SYT1: variants seen among roughly 807,000 people sequenced by gnomAD.
SYT1 encodes the protein synaptotagmin 1, also known as synaptotagmin-1.
A neutral mutation model predicts 44.8 loss-of-function variants in SYT1; 8 were observed. The observed-to-expected ratio is 0.18, with a 90% CI of 0.10 to 0.32. SYT1 has a LOEUF of 0.32. SYT1 is among the 10% of genes least tolerant of loss of function. The pLI, the probability that SYT1 is intolerant of heterozygous loss-of-function variation, is 1.00. For synonymous variants in SYT1, 154 were observed against 188.8 expected (o/e 0.82, Z 1.51); for missense variants, 286 against 509.3 (o/e 0.56, Z 4.22).
intron 2 of SYT1, among the ~76,000 whole-genome samples, chr12:79,006,496 A>T (rs1478420553): frequency 1.3e-5 from 2 of 152,132 alleles, no homozygotes; most frequent in Non-Finnish European, 2.9e-5. Context: ...CATGTTACTA[A>T]GAATGATGAT....
At chr12:79,423,698 A>G (rs936668784) in intron 9 of SYT1, among the ~76,000 whole-genome samples, 2 of 152,022 alleles carry the variant, frequency 1.3e-5, no homozygotes, top group African/African-American at 2.4e-5. Context: ...GATCTAAGAA[A>G]CCCATTTATC....
chr12:79,092,433 G>A (rs1429292595), intron 3 of SYT1, among the ~76,000 whole-genome samples: 2 of 151,000 alleles, frequency 1.3e-5, no homozygotes, highest in African/African-American at 4.9e-5. Context: ...ATCAGGTAGG[G>A]AGAAAAAAAA....
At chr12:78,910,812 T>G (rs1342628898) in intron 1 of SYT1, among the ~76,000 whole-genome samples, 1 of 151,904 alleles carries the variant, frequency 6.6e-6, no homozygotes, top group African/African-American at 2.4e-5. Flanking sequence ...AGTGTACATG[T>G]GAGCTGACAC....
chr12:79,282,638 ATTATT>A (rs1184899312), intron 4 of SYT1, among the ~76,000 whole-genome samples: 1 of 151,880 alleles, frequency 6.6e-6, no homozygotes, highest in Admixed American at 6.6e-5. Context: ...GCTTCACTGA[ATTATT>A]TAATTTAATA....
chr12:79,215,803 TTTGA>T (rs1244905807), intron 3 of SYT1, among the ~76,000 whole-genome samples: 3 of 152,178 alleles, frequency 2.0e-5, no homozygotes, highest in Non-Finnish European at 4.4e-5. Flanking sequence ...ATCTCTGGAT[TTTGA>T]TTAAGATTTT....
chr12:79,154,850 C>T (rs912988245), intron 3 of SYT1, among the ~76,000 whole-genome samples: 2 of 152,086 alleles, frequency 1.3e-5, no homozygotes, highest in South Asian at 2.1e-4. Flanking sequence ...GAAAAAAATG[C>T]TGTTTCACTC....
At chr12:79,150,737 A>G (rs184236959) in intron 3 of SYT1, among the ~76,000 whole-genome samples, 37 of 152,324 alleles carry the variant, frequency 2.4e-4, no homozygotes, top group Admixed American at 2.4e-3. Flanking sequence ...TTGGGCATTC[A>G]TAGAATAGTA....
At chr12:78,921,742 T>C (rs995212793) in intron 1 of SYT1, among the ~76,000 whole-genome samples, 7 of 151,962 alleles carry the variant, frequency 4.6e-5, no homozygotes, top group Non-Finnish European at 1.0e-4. Context: ...TATGTTCACA[T>C]GGCGCTGCTG....
At chr12:79,172,053 A>G (rs1871560518) in intron 3 of SYT1, among the ~76,000 whole-genome samples, 1 of 152,006 alleles carries the variant, frequency 6.6e-6, no homozygotes, top group Non-Finnish European at 1.5e-5. Flanking sequence ...ATTTAATGAC[A>G]GAAAAATACT....
intron 2 of SYT1, among the ~76,000 whole-genome samples, chr12:78,979,969 TA>T (rs1381791539): frequency 6.6e-6 from 1 of 152,138 alleles, no homozygotes; most frequent in Non-Finnish European, 1.5e-5. Context: ...GGTTTCCATT[TA>T]AATGAATTAC....
chr12:79,408,766 G>A (rs1291864994), intron 9 of SYT1, among the ~76,000 whole-genome samples: 1 of 144,844 alleles, frequency 6.9e-6, no homozygotes, highest in Non-Finnish European at 1.5e-5. Context: ...GTCAGAAGCT[G>A]TTTGACTATG....
At chr12:79,266,686 G>A (rs1878147202) in intron 4 of SYT1, among the ~76,000 whole-genome samples, 1 of 152,128 alleles carries the variant, frequency 6.6e-6, no homozygotes, top group South Asian at 2.1e-4. Flanking sequence ...CAGTTTAAAA[G>A]CCAGGAAACA....
At chr12:79,161,771 A>G (rs1870963344) in intron 3 of SYT1, among the ~76,000 whole-genome samples, 1 of 152,022 alleles carries the variant, frequency 6.6e-6, no homozygotes, top group Non-Finnish European at 1.5e-5. Context: ...CTCATGTTTC[A>G]TACTGCACCC....
At chr12:79,285,121 A>G (rs1190055569) in intron 4 of SYT1, among the ~76,000 whole-genome samples, 2 of 152,172 alleles carry the variant, frequency 1.3e-5, no homozygotes, top group Non-Finnish European at 2.9e-5. Context: ...TTCAGTGCAT[A>G]CATTTTCCCC....
At chr12:79,194,453 G>GTTA (rs3065428) in intron 3 of SYT1, among the ~76,000 whole-genome samples, 103,658 of 148,574 alleles carry the variant, frequency 0.7, 36,503 homozygotes, top group African/African-American at 0.73. Flanking sequence ...TAATAATTTT[G>GTTA]TTATTATTAT....
intron 8 of SYT1, among the ~76,000 whole-genome samples, chr12:79,312,657 T>G (rs1227230932): frequency 6.6e-6 from 1 of 152,158 alleles, no homozygotes; most frequent in Non-Finnish European, 1.5e-5. Context: ...TGAAACTATA[T>G]TCACATTGAT....
At chr12:79,210,794 T>G (rs1310310050) in intron 3 of SYT1, among the ~76,000 whole-genome samples, 2 of 152,186 alleles carry the variant, frequency 1.3e-5, no homozygotes, top group East Asian at 1.9e-4. Context: ...AAATTCTAGT[T>G]CTAACAAAAG....
At chr12:79,102,521 A>G (rs1013426143) in intron 3 of SYT1, among the ~76,000 whole-genome samples, 1 of 152,120 alleles carries the variant, frequency 6.6e-6, no homozygotes, top group Non-Finnish European at 1.5e-5. Context: ...TAGCACTTCA[A>G]TAACTAAAAT....
chr12:78,927,474 G>C (rs185645451), intron 1 of SYT1, among the ~76,000 whole-genome samples: 1 of 152,042 alleles, frequency 6.6e-6, no homozygotes, highest in Non-Finnish European at 1.5e-5. Context: ...TCTTCCGTGC[G>C]TTATGAGATA....
Sources: allele counts gnomAD v4.1 joint callset (sites outside exome capture counted in the v4.1 genomes callset), GRCh38; gene constraint gnomAD v4.1.1; transcripts MANE v1.5; gene names NCBI Gene and HGNC (gene_info 2026-07-23, HGNC 2026-07-21).